Variants in PCDH11X observed in about 807,000 individuals in gnomAD.
PCDH11X encodes protocadherin-11 X-linked.
Under a neutral mutation model 53.3 loss-of-function variants are expected in PCDH11X, and 18 were observed. The ratio of observed to expected loss-of-function variants is 0.34; its 90% CI spans 0.23 to 0.50. The LOEUF (loss-of-function observed/expected upper bound fraction) is 0.50, where lower values mean the gene tolerates loss of function less well. Among genes scored for constraint, PCDH11X ranks in the 20% least tolerant of loss-of-function variants. The pLI, the probability that PCDH11X is intolerant of heterozygous loss-of-function variation, is 0.98. For synonymous variants in PCDH11X, 279 were observed against 393.3 expected, an observed-to-expected ratio of 0.71 and a Z score of 3.44; for missense variants, 570 against 1,032.4, an observed-to-expected ratio of 0.55 and a Z score of 6.14.
At chrX:92,037,369 T>C (rs866066087) in intron 6 of PCDH11X, among the ~76,000 whole-genome samples, 6 of 111,256 alleles carry the variant, frequency 5.4e-5, no homozygotes, top group Middle Eastern at 4.6e-3. Context: ...TTCATCCATG[T>C]CCCTGCAAAG....
At chrX:92,419,933 G>A (rs749955969) in intron 9 of PCDH11X, among the ~76,000 whole-genome samples, 1 of 110,488 alleles carries the variant, frequency 9.1e-6, no homozygotes, top group South Asian at 3.8e-4. Flanking sequence ...ACCCGCCTCA[G>A]CTTCCCAAAA....
chrX:92,232,771 C>A (rs2067099683), intron 7 of PCDH11X, among the ~76,000 whole-genome samples: 2 of 112,165 alleles, frequency 1.8e-5, no homozygotes, highest in Admixed American at 1.9e-4. Context: ...GGCTGGAGTG[C>A]AGTGGTGCGA....
intron 6 of PCDH11X, among the ~76,000 whole-genome samples, chrX:92,018,761 T>TAC (rs1270882668): frequency 1.8e-5 from 2 of 112,547 alleles, no homozygotes; most frequent in South Asian, 7.3e-4. Context: ...CACACACACA[T>TAC]ACACACACAT....
intron 6 of PCDH11X, among the ~76,000 whole-genome samples, chrX:92,036,791 G>A (rs951185119): frequency 4.5e-5 from 5 of 110,938 alleles, no homozygotes; most frequent in East Asian, 2.9e-4. Context: ...GACAATTTGA[G>A]AAAGTTTGGA....
intron 6 of PCDH11X, among the ~76,000 whole-genome samples, chrX:91,981,571 C>A (rs151254440): frequency 0.022 from 2,408 of 111,557 alleles, 34 homozygotes; most frequent in Non-Finnish European, 0.031. Context: ...ACCACTTAAC[C>A]TTTTATACCA....
chrX:92,176,776 T>C (rs769326656), intron 6 of PCDH11X, among the ~76,000 whole-genome samples: 2 of 110,719 alleles, frequency 1.8e-5, no homozygotes, highest in South Asian at 7.8e-4. Flanking sequence ...CATAGATACA[T>C]AGAGATACTA....
intron 7 of PCDH11X, among the ~76,000 whole-genome samples, chrX:92,203,022 CA>C (rs1431407741): frequency 9.1e-6 from 1 of 109,837 alleles, no homozygotes; most frequent in Non-Finnish European, 1.9e-5. Context: ...GACTCTGTCT[CA>C]AAAAAAAGAA....
chrX:91,846,320 C>T (rs1470159933), intron 5 of PCDH11X, among the ~76,000 whole-genome samples: 2 of 110,938 alleles, frequency 1.8e-5, no homozygotes, highest in Non-Finnish European at 3.8e-5. Flanking sequence ...CTTATGTAAC[C>T]TCAAGAGTTA....
chrX:92,411,615 T>C (rs1393940754), intron 9 of PCDH11X, among the ~76,000 whole-genome samples: 1 of 109,993 alleles, frequency 9.1e-6, no homozygotes, highest in African/African-American at 3.3e-5. Flanking sequence ...ACTCATTCTT[T>C]TTTTTATGGC....
Position 92,472,117 on chromosome X carries a change from T to C in PCDH11X, c.3367+3795T>C, listed in dbSNP as rs2073277073. Among the ~76,000 whole-genome samples the C allele has an allele frequency of 3.6e-5, 4 of 110,809 alleles. No individual in the cohort carries two copies. In the Middle Eastern group the frequency reaches 0.014, roughly 381 times the overall value. On this transcript the variant is annotated intron_variant, in intron 10 of 10. Coordinates refer to ENST00000682573, the MANE Select transcript of PCDH11X (RefSeq NM_032968.5). ...AGCCGTTTCATTTACTTAGATCTCA[T>C]TCGTCAGTTTTTGCTTCTGTTGCAA...
intron 6 of PCDH11X, among the ~76,000 whole-genome samples, chrX:92,087,052 AG>A (rs1326163761): frequency 2.7e-5 from 3 of 109,218 alleles, no homozygotes; most frequent in African/African-American, 1.0e-4. Flanking sequence ...GGTCTCATGA[AG>A]CTTTAGGGTG....
intron 6 of PCDH11X, among the ~76,000 whole-genome samples, chrX:91,902,293 T>C (rs1160032372): frequency 3.6e-5 from 4 of 110,448 alleles, no homozygotes; most frequent in African/African-American, 6.6e-5. Context: ...ATGTCTCATG[T>C]AGTTAGCAGT....
intron 10 of PCDH11X, among the ~76,000 whole-genome samples, chrX:92,484,522 A>G (rs1261820310): frequency 1.9e-5 from 2 of 107,928 alleles, no homozygotes; most frequent in Non-Finnish European, 3.8e-5. Context: ...ATATATATAT[A>G]TGTACATACC....
chrX:91,864,981 G>C (rs1244713771), intron 5 of PCDH11X, among the ~76,000 whole-genome samples: 1 of 111,321 alleles, frequency 9.0e-6, no homozygotes, highest in African/African-American at 3.3e-5. Flanking sequence ...CTGTTTGAAA[G>C]GTTGCATATC....
rs753077730 is a variant in PCDH11X, at chrX:92,221,871, T to C, written c.3114+20416T>C. 6.3e-5 allele frequency among the ~76,000 whole-genome samples: 7 copies of C among 110,858 alleles called. No homozygotes were observed. The East Asian group carries it at 2.0e-3, about 32-fold the overall frequency. ...TTTTTTTTGAGACAGGGTTTTGCTC[T>C]TGTTGCCCAGGCTGGATGCAATCAC... is the stretch of plus-strand genomic sequence containing the variant. On this transcript the variant is annotated intron_variant, in intron 7 of 10. Transcript: ENST00000682573.
chrX:92,384,457 G>A (rs1337887199), intron 8 of PCDH11X, among the ~76,000 whole-genome samples: 1 of 111,685 alleles, frequency 9.0e-6, no homozygotes, highest in East Asian at 2.8e-4. Context: ...ATCAAGACAG[G>A]GGGATTGCAG....
chrX:92,331,309 C>A (rs866081649), intron 8 of PCDH11X, among the ~76,000 whole-genome samples: 27 of 91,895 alleles, frequency 2.9e-4, no homozygotes, highest in African/African-American at 8.2e-4. Context: ...TCTTCTTCTT[C>A]TTCTTCTTCC....
intron 8 of PCDH11X, among the ~76,000 whole-genome samples, chrX:92,305,935 G>A (rs1181595546): frequency 9.4e-6 from 1 of 106,080 alleles, no homozygotes; most frequent in Non-Finnish European, 1.9e-5. Flanking sequence ...GCAGTGAACA[G>A]GTTTTGTGTT....
At chrX:92,456,820 C>T (rs1377739469) in intron 9 of PCDH11X, among the ~76,000 whole-genome samples, 1 of 109,476 alleles carries the variant, frequency 9.1e-6, no homozygotes, top group Non-Finnish European at 1.9e-5. Context: ...TCTTTGCTGA[C>T]ATAAAATATT....
Sources: gnomAD v4.1 joint callset for allele counts (sites outside exome capture counted in the v4.1 genomes callset) on GRCh38, gnomAD v4.1.1 for gene constraint, MANE v1.5 for transcripts, NCBI Gene and HGNC (gene_info 2026-07-23, HGNC 2026-07-21) for gene names.